Variants in NDST1 observed in about 807,000 individuals in gnomAD.
NDST1 encodes N-deacetylase and N-sulfotransferase 1, also known as bifunctional heparan sulfate N-deacetylase/N-sulfotransferase 1.
A neutral mutation model predicts 92.8 loss-of-function variants in NDST1; 35 were observed. The observed-to-expected ratio is 0.38, with a 90% CI of 0.29 to 0.50. NDST1 has a LOEUF of 0.50. Among genes scored for constraint, NDST1 ranks in the 20% least tolerant of loss-of-function variants. The pLI, the probability that NDST1 is intolerant of heterozygous loss-of-function variation, is 0.94. For synonymous variants in NDST1, 493 were observed against 500.3 expected (o/e 0.99, Z 0.19); for missense variants, 822 against 1,182.7 (o/e 0.69, Z 4.47).
rs770319054 is a variant in NDST1, at chr5:150,534,851, GC to G, written c.1097-14del. ...ATGGCCCAGTGGGTGGTTCTGAGCT[GC>G]CTGTGTTGCTGCAGGTACCAATGCT... is the stretch of plus-strand genomic sequence containing the variant. On this transcript the variant is annotated splice_polypyrimidine_tract_variant and intron_variant, in intron 4 of 14. Transcript: ENST00000261797. The G allele has an allele frequency of 1.7e-5, 28 of 1,614,152 alleles. No individual in the cohort carries two copies. In the Middle Eastern group the frequency reaches 1.5e-3, roughly 85 times the overall value.
chr5:150,501,089 TG>T (rs1027367577), intron 1 of NDST1, among the ~76,000 whole-genome samples: 11 of 152,116 alleles, frequency 7.2e-5, no homozygotes, highest in Admixed American at 1.3e-4. Flanking sequence ...TCCCATTTTT[TG>T]TTGTTGTTGT....
upstream of NDST1, among the ~76,000 whole-genome samples, chr5:150,506,499 G>A (rs1282659988): frequency 6.6e-6 from 1 of 152,110 alleles, no homozygotes; most frequent in Non-Finnish European, 1.5e-5. Context: ...CTGGAACCCT[G>A]GTCTCCTGGC....
At chr5:150,547,323 G>C (rs970638093) in intron 11 of NDST1, among the ~76,000 whole-genome samples, 2 of 152,216 alleles carry the variant, frequency 1.3e-5, no homozygotes, top group African/African-American at 4.8e-5. Flanking sequence ...CTCAGAAGGA[G>C]GTCGGGACGA....
At chr5:150,551,414 A>G (rs1755719550) in intron 13 of NDST1, among the ~76,000 whole-genome samples, 1 of 152,098 alleles carries the variant, frequency 6.6e-6, no homozygotes, top group African/African-American at 2.4e-5. Context: ...AAAAAGAGTT[A>G]CTCAGCATTG....
intron 1 of NDST1, among the ~76,000 whole-genome samples, chr5:150,498,678 T>C (rs1477929307): frequency 1.1e-4 from 17 of 152,198 alleles, no homozygotes. Context: ...CATTGTCTCT[T>C]TCTCTCCCTT....
At chr5:150,498,492 T>C (rs60375840) in intron 1 of NDST1, among the ~76,000 whole-genome samples, 3,352 of 152,294 alleles carry the variant, frequency 0.022, 120 homozygotes, top group African/African-American at 0.076. Context: ...CTGGGCTTTC[T>C]AGGAGCTGCA....
chr5:150,519,847 G>A lies in NDST1; in HGVS notation c.-387-1021G>A, dbSNP rs574633183. 2.2e-3 allele frequency among the ~76,000 whole-genome samples: 332 copies of A among 152,220 alleles called. 1 individual carries two copies. The highest frequency in any genetic ancestry group is 7.4e-3 in the African/African-American group (306 of 41,530). On this transcript the variant is annotated intron_variant, in intron 1 of 14. Transcript: ENST00000261797. ...CTTTGTGTCGTGTATGTACGTCTTC[G>A]TTAACTCTTTCCAGTGAGATGAGTA...
chr5:150,551,671 C>A (rs1755733935), intron 13 of NDST1, 82 bp from the exon 14 acceptor site: 1 of 1,541,480 alleles, frequency 6.5e-7, no homozygotes, highest in African/African-American at 1.4e-5. Context: ...CTCTGCCATT[C>A]CTGGGGTCCA....
At chr5:150,507,484 G>A (rs531333910), upstream of NDST1, among the ~76,000 whole-genome samples, 18 of 152,312 alleles carry the variant, frequency 1.2e-4, no homozygotes, top group African/African-American at 4.3e-4. Flanking sequence ...TCTCGTCTTT[G>A]TAAGACCCTT....
Position 150,557,123 on chromosome 5 carries a change from C to A in NDST1, c.*3791C>A. The A allele has an allele frequency of 6.5e-6, 1 of 152,712 alleles. No individual in the cohort carries two copies. The highest frequency in any genetic ancestry group is 1.5e-5 in the Non-Finnish European group (1 of 68,052). 9.5% of individuals were successfully genotyped at this position (152,712 alleles called of 1,614,324 possible). On this transcript the variant is annotated 3_prime_UTR_variant, in exon 15 of 15. Coordinates refer to ENST00000261797, the MANE Select transcript of NDST1 (RefSeq NM_001543.5). This position sits in a 1 kb window ranked among gnomAD's most constrained non-coding sequence, Gnocchi z 4.7. ...CTTCACTTCTGCCTAAGATGCGCCT[C>A]CACTGTCACCTGTACCAAGTGCCAA...
intron 1 of NDST1, among the ~76,000 whole-genome samples, chr5:150,499,718 G>T (rs1256006989): frequency 6.6e-6 from 1 of 152,212 alleles, no homozygotes; most frequent in Non-Finnish European, 1.5e-5. Context: ...TGCCTGCGTA[G>T]CCACTGACCC....
Position 150,521,183 on chromosome 5 carries a change from C to A in NDST1, c.-72C>A. The A allele has an allele frequency of 1.4e-6, 2 of 1,388,402 alleles. No homozygotes were observed. The highest frequency in any genetic ancestry group is 9.8e-7 in the Non-Finnish European group (1 of 1,016,974). 86.0% of individuals were successfully genotyped at this position (1,388,402 alleles called of 1,614,324 possible). A position where few individuals can be genotyped will look rare whatever the true frequency, so the allele number is the denominator to read the frequency against. ...GTTGGTCAGTGGACGATTCTCGTGT[C>A]TCCTCCTGTGTGGGGCCTTGGGGTA... On this transcript the variant is annotated 5_prime_UTR_variant, in exon 2 of 15. Coordinates refer to ENST00000261797, the MANE Select transcript of NDST1 (RefSeq NM_001543.5). The surrounding 1 kb of genome is among the most constrained non-coding windows in gnomAD (Gnocchi z 5.9).
At position 150,521,487 on chromosome 5, in the gene NDST1, C is replaced by T; in HGVS notation, c.233C>T (p.Pro78Leu). The stretch of plus-strand genomic sequence containing the variant: ...CTCAAGCCTGTGCAGGCAGCCACCC[C>T]TTCCCGCACAGACCCGTTGGTGCTG... ...LPLKPVQAAT[P>L]SRTDPLVLVF... Residue 78 changes from proline (P) to leucine (L), a missense_variant, in exon 2 of 15, where the codon CCT (proline) becomes CTT (leucine). By Grantham distance (98) the Pro-to-Leu change is moderately conservative. Transcript: ENST00000261797. This position sits in a 1 kb window ranked among gnomAD's most constrained non-coding sequence, Gnocchi z 5.9. The T allele has an allele frequency of 3.1e-6, 5 of 1,614,066 alleles. No homozygotes were observed. The South Asian group carries it at 5.5e-5, about 18-fold the overall frequency.
At chr5:150,537,308 C>T (rs189053527) in intron 6 of NDST1, among the ~76,000 whole-genome samples, 241 of 152,284 alleles carry the variant, frequency 1.6e-3, no homozygotes, top group African/African-American at 5.1e-3. Context: ...GCCTGTGGGC[C>T]AGGTGGAACA....
chr5:150,534,618 CAGA>C (rs1754900336), intron 4 of NDST1, among the ~76,000 whole-genome samples: 1 of 152,238 alleles, frequency 6.6e-6, no homozygotes, highest in Non-Finnish European at 1.5e-5. Context: ...CTGAATTGTG[CAGA>C]TGGTCCCAAG....
At chr5:150,520,574 A>G (rs1279580770) in intron 1 of NDST1, among the ~76,000 whole-genome samples, 1 of 152,072 alleles carries the variant, frequency 6.6e-6, no homozygotes, top group Non-Finnish European at 1.5e-5. Context: ...AAAAATAGCA[A>G]CTCCAATTTG....
rs1391478871 is a variant in NDST1, at chr5:150,539,465, A to T, written c.1566+109A>T. ...AGGAAAGGGTGGAGAGGCATGAGTG[A>T]GTGCCTGGCAGTTGGGAGACCCACT... On this transcript the variant is annotated intron_variant, in intron 7 of 14. Coordinates refer to ENST00000261797, the MANE Select transcript of NDST1 (RefSeq NM_001543.5). The T allele has an allele frequency of 5.6e-6, 9 of 1,597,410 alleles. No homozygotes were observed. In the East Asian group the frequency reaches 2.0e-4, roughly 36 times the overall value.
chr5:150,532,989 C>T lies in NDST1; in HGVS notation c.1053C>T (p.Asn351=), dbSNP rs1318360567. ...TQNELRAHIP[N]FTFNLGYSGK... is the part of the protein sequence containing the mutation. ...ACGAACTACGCGCACACATCCCAAA[C>T]TTCACCTTCAACCTGGGCTACTCAG... is the stretch of plus-strand genomic sequence containing the variant. Residue 351 remains asparagine (N), a synonymous_variant, in exon 4 of 15, where the codon AAC becomes AAT. Coordinates refer to ENST00000261797, the MANE Select transcript of NDST1 (RefSeq NM_001543.5). 6.2e-7 allele frequency: 1 copy of T among 1,614,254 alleles called. No individual in the cohort carries two copies. Among genetic ancestry groups the T allele is most frequent in the Admixed American group, 1.7e-5 (1 of 60,036 alleles).
chr5:150,548,370 T>G lies in NDST1; in HGVS notation c.2298T>G (p.Ser766Arg). Reference protein sequence around the residue: ...WYATHIERWLSAYHANQILVL... With the variant: ...WYATHIERWLRAYHANQILVL... ...CCACCCACATCGAGCGCTGGCTCAG[T>G]GCCTATCACGCCAACCAGGTAGCTG... Residue 766 changes from serine to arginine, a missense_variant, in exon 12 of 15, where the codon AGT becomes AGG. Transcript: ENST00000261797. 1 of 1,612,690 alleles carries G rather than the reference T, an allele frequency of 6.2e-7. No homozygotes were observed. Among genetic ancestry groups the G allele is most frequent in the South Asian group, 1.1e-5 (1 of 91,082 alleles).
Sources: allele counts gnomAD v4.1 joint callset (sites outside exome capture counted in the v4.1 genomes callset), GRCh38; gene constraint gnomAD v4.1.1; non-coding constraint Gnocchi (gnomAD v3.1); transcripts MANE v1.5; gene names NCBI Gene and HGNC (gene_info 2026-07-23, HGNC 2026-07-21).